FCHO2: variants seen among roughly 807,000 people sequenced by gnomAD.
FCHO2 encodes F-BAR domain only protein 2.
A neutral mutation model predicts 114.1 loss-of-function variants in FCHO2; 43 were observed. The observed-to-expected ratio is 0.38, with a 90% CI of 0.30 to 0.49. The LOEUF (loss-of-function observed/expected upper bound fraction) is 0.49, where lower values mean the gene tolerates loss of function less well. Ranked by LOEUF, FCHO2 falls within the 20% of genes least tolerant of loss-of-function variation. The probability of loss-of-function intolerance (pLI) is 0.97; values close to 1 mark genes in which losing one functional copy is unlikely to be tolerated. For synonymous variants in FCHO2, 293 were observed against 315.2 expected (o/e 0.93, Z 0.75); for missense variants, 807 against 950.4 (o/e 0.85, Z 1.98).
rs1755264929 is a variant in FCHO2, at chr5:73,015,593, T to C, written c.601-33T>C. The C allele has an allele frequency of 2.3e-6, 3 of 1,282,240 alleles. No individual in the cohort carries two copies. The Admixed American group carries it at 6.8e-5, about 29-fold the overall frequency. The allele number at this position is 1,282,240 out of a possible 1,614,324, so 79.4% of individuals were successfully genotyped here. A position where few individuals can be genotyped will look rare whatever the true frequency, so the allele number is the denominator to read the frequency against. ...ATATATATGTATGTACCTGTATATG[T>C]TATAAATCTATAACTTTGTATATGT... On this transcript the variant is annotated intron_variant, in intron 6 of 25. Coordinates refer to ENST00000430046, the MANE Select transcript of FCHO2 (RefSeq NM_138782.3).
At chr5:72,996,864 C>A in intron 5 of FCHO2, 1 of 1,355,670 alleles carries the variant, frequency 7.4e-7, no homozygotes, top group Non-Finnish European at 1.0e-6. Flanking sequence ...AGCTGTGCCA[C>A]GGGGGCCCCC....
intron 5 of FCHO2, among the ~76,000 whole-genome samples, chr5:73,004,436 G>T (rs1424419710): frequency 6.6e-6 from 1 of 152,062 alleles, no homozygotes; most frequent in Non-Finnish European, 1.5e-5. Context: ...AGTCACTTTC[G>T]CTAGGGATAG....
At chr5:72,979,618 C>T (rs1156313798) in intron 2 of FCHO2, among the ~76,000 whole-genome samples, 5 of 151,398 alleles carry the variant, frequency 3.3e-5, no homozygotes, top group Admixed American at 6.6e-5. Context: ...GTCTCGATCT[C>T]CTGACCTCGT....
At chr5:72,966,440 G>T (rs1752205887) in intron 1 of FCHO2, among the ~76,000 whole-genome samples, 1 of 152,124 alleles carries the variant, frequency 6.6e-6, no homozygotes, top group South Asian at 2.1e-4. Context: ...ACAAGCCTCT[G>T]ACAATAAATT....
chr5:73,034,951 T>C (rs1756422426), intron 9 of FCHO2, among the ~76,000 whole-genome samples: 1 of 152,230 alleles, frequency 6.6e-6, no homozygotes, highest in Non-Finnish European at 1.5e-5. Context: ...CATGCATTTG[T>C]TTTTAAATAT....
chr5:72,959,882 T>C (rs1485383146), intron 1 of FCHO2, among the ~76,000 whole-genome samples: 1 of 151,932 alleles, frequency 6.6e-6, no homozygotes. Flanking sequence ...CAAGCTCAAA[T>C]GATCCTCCCA....
chr5:73,060,594 T>TC (rs1458751035), intron 17 of FCHO2, among the ~76,000 whole-genome samples: 3 of 152,056 alleles, frequency 2.0e-5, no homozygotes, highest in African/African-American at 7.2e-5. Flanking sequence ...TCTCCCATCT[T>TC]AACATCCTCT....
intron 8 of FCHO2, among the ~76,000 whole-genome samples, chr5:73,033,396 G>C (rs1303483781): frequency 6.6e-6 from 1 of 152,042 alleles, no homozygotes; most frequent in Non-Finnish European, 1.5e-5. Flanking sequence ...TTTAGGGGGA[G>C]GGAGAGGGAC....
intron 17 of FCHO2, among the ~76,000 whole-genome samples, chr5:73,061,947 C>G (rs1757873089): frequency 6.6e-6 from 1 of 152,030 alleles, no homozygotes; most frequent in Admixed American, 6.6e-5. Context: ...CTTCTAGATT[C>G]TAGATTAGTT....
intron 2 of FCHO2, among the ~76,000 whole-genome samples, chr5:72,979,423 G>C (rs1317943483): frequency 9.6e-6 from 1 of 103,878 alleles, no homozygotes; most frequent in African/African-American, 3.8e-5. Context: ...ACGGAGTCTC[G>C]CTCTGTCGCC....
intron 12 of FCHO2, among the ~76,000 whole-genome samples, chr5:73,052,097 G>A (rs1388034567): frequency 6.6e-6 from 1 of 151,730 alleles, no homozygotes; most frequent in Non-Finnish European, 1.5e-5. Context: ...CTAATTTTTT[G>A]TATTTTTAGT....
chr5:73,023,429 T>C (rs1315292474), intron 8 of FCHO2, among the ~76,000 whole-genome samples: 1 of 152,138 alleles, frequency 6.6e-6, no homozygotes, highest in Non-Finnish European at 1.5e-5. Flanking sequence ...AGGCTGGGCA[T>C]AGTGGCTCAC....
chr5:73,005,677 A>G (rs1754679660), intron 5 of FCHO2, among the ~76,000 whole-genome samples: 1 of 152,118 alleles, frequency 6.6e-6, no homozygotes, highest in Non-Finnish European at 1.5e-5. Flanking sequence ...AACTACACAT[A>G]ATCTTTTCCT....
rs1287916951 is a variant in FCHO2 at position 73,051,395 on chromosome 5, C to T, written c.986C>T (p.Thr329Ile). The stretch of plus-strand genomic sequence containing the variant: ...GAAGGCTACAGTATTAAACCAGAAA[C>T]AAATCAGAATGATATCCTTTCATCA... ...DEEGYSIKPE[T>I]NQNDTKENHF... The change falls in exon 12 of 26, where the codon ACA becomes ATA. Residue 329 changes from threonine to isoleucine, a missense_variant. Thr to Ile is a moderately conservative substitution (Grantham distance 89, BLOSUM62 -1). Transcript: ENST00000430046. The T allele has an allele frequency of 6.5e-7, 1 of 1,532,202 alleles. No individual in the cohort carries two copies. The highest frequency in any genetic ancestry group is 8.8e-7 in the Non-Finnish European group (1 of 1,132,376). 94.9% of individuals were successfully genotyped at this position (1,532,202 alleles called of 1,614,324 possible). A position where few individuals can be genotyped will look rare whatever the true frequency, so the allele number is the denominator to read the frequency against.
At position 73,077,357 on chromosome 5, in the gene FCHO2, G is replaced by T. The variant is rs867748059; in HGVS notation, c.1711G>T (p.Gly571Cys). ...TTTTAGGTGTATTGTGAAGATCACTGGTGATATGACAATGTCATTTCCAAG... is the reference window on the plus strand; with the variant it reads ...TTTTAGGTGTATTGTGAAGATCACTTGTGATATGACAATGTCATTTCCAAG... ...DPTKCIVKIT[G>C]DMTMSFPSGI... is the part of the protein sequence containing the mutation. The change falls in exon 21 of 26, where the codon GGT becomes TGT. Residue 571 changes from glycine (G) to cysteine (C), a missense_variant. Coordinates refer to ENST00000430046, the MANE Select transcript of FCHO2 (RefSeq NM_138782.3). The T allele has an allele frequency of 1.9e-6, 3 of 1,581,506 alleles. No individual in the cohort carries two copies.
chr5:73,062,036 T>C (rs1287997850), intron 17 of FCHO2, among the ~76,000 whole-genome samples: 1 of 152,110 alleles, frequency 6.6e-6, no homozygotes, highest in Non-Finnish European at 1.5e-5. Flanking sequence ...AGGGCAGATA[T>C]AGAGTAGCCC....
At chr5:73,009,005 A>G (rs1006945957) in intron 6 of FCHO2, among the ~76,000 whole-genome samples, 1 of 152,250 alleles carries the variant, frequency 6.6e-6, no homozygotes, top group Non-Finnish European at 1.5e-5. Context: ...CAGCACTTTT[A>G]GAGTGTGGGG....
intron 8 of FCHO2, among the ~76,000 whole-genome samples, chr5:73,026,848 T>A (rs770604347): frequency 2.0e-5 from 3 of 151,744 alleles, no homozygotes; most frequent in Non-Finnish European, 2.9e-5. Flanking sequence ...TGCATCACCA[T>A]ACCTGGCTAA....
intron 8 of FCHO2, among the ~76,000 whole-genome samples, chr5:73,026,349 A>G (rs1052374521): frequency 6.6e-6 from 1 of 152,034 alleles, no homozygotes; most frequent in African/African-American, 2.4e-5. Flanking sequence ...GGGCGCCTGT[A>G]ATCCCAGCTA....
Sources: gnomAD v4.1 joint callset for allele counts (sites outside exome capture counted in the v4.1 genomes callset) on GRCh38, gnomAD v4.1.1 for gene constraint, MANE v1.5 for transcripts, NCBI Gene and HGNC (gene_info 2026-07-23, HGNC 2026-07-21) for gene names.